PRIM1: variants seen among roughly 807,000 people sequenced by gnomAD.
PRIM1 encodes the protein DNA primase small subunit.
In PRIM1, 38 loss-of-function variants were observed where a neutral mutation model predicts 60.2. The observed-to-expected ratio is 0.63, with a 90% CI of 0.49 to 0.83. The LOEUF (loss-of-function observed/expected upper bound fraction) is 0.83. Among genes scored for constraint, PRIM1 ranks in the 40% least tolerant of loss-of-function variants. The probability of loss-of-function intolerance (pLI) is 0.00; values close to 1 mark genes in which losing one functional copy is unlikely to be tolerated. For missense variants in PRIM1, 388 were observed against 506.2 expected, an observed-to-expected ratio of 0.77 and a Z score of 2.24; for synonymous variants, 158 against 160.2, an observed-to-expected ratio of 0.99 and a Z score of 0.10.
At position 56,746,161 on chromosome 12, in the gene PRIM1, G is replaced by A. The variant is rs369089895; in HGVS notation, c.463C>T (p.Arg155Cys). The change falls in exon 5 of 13, where the codon CGT (arginine) becomes TGT (cysteine). Residue 155 changes from arginine (R) to cysteine (C), a missense_variant. Transcript: ENST00000338193. ...CTCCTTCCAGAATATACCCAGAGAC[G>A]ATGCTTAAATCCAAAGTCCTCTGAG... is the stretch of plus-strand genomic sequence containing the variant. ...ALKEDFGFKH[R>C]LWVYSGRRGV... 4.8e-5 allele frequency: 77 copies of A among 1,611,528 alleles called. No homozygotes were observed. In the African/African-American group the frequency reaches 8.6e-4, roughly 18 times the overall value.
Position 56,738,398 on chromosome 12 carries a change from C to T in PRIM1, c.1144+36G>A, listed in dbSNP as rs571003241. The T allele has an allele frequency of 3.4e-4, 504 of 1,489,038 alleles. 2 individuals are homozygous for T. The South Asian group carries it at 5.8e-3, about 17-fold the overall frequency. The allele number at this position is 1,489,038 out of a possible 1,614,324, so 92.2% of individuals were successfully genotyped here. On this transcript the variant is annotated intron_variant, in intron 11 of 12. Coordinates refer to ENST00000338193, the MANE Select transcript of PRIM1 (RefSeq NM_000946.3). ...ACAGATGGATATCTATATAAAAACC[C>T]TGTATTTAAAGTGAAGCTTCAAAAT...
chr12:56,750,992 G>A, intron 2 of PRIM1, 46 bp downstream of exon 2: 1 of 1,276,372 alleles, frequency 7.8e-7, no homozygotes, highest in Non-Finnish European at 1.0e-6. Context: ...CCCATTCTTG[G>A]TTTACAAAAT....
chr12:56,735,028 G>A (rs1398093594), intron 11 of PRIM1, among the ~76,000 whole-genome samples: 1 of 151,592 alleles, frequency 6.6e-6, no homozygotes, highest in Non-Finnish European at 1.5e-5. Context: ...GGCCAGGCTG[G>A]TCTCAAACTC....
intron 5 of PRIM1, among the ~76,000 whole-genome samples, chr12:56,744,916 AC>A (rs1395556316): frequency 1.3e-5 from 2 of 151,698 alleles, no homozygotes; most frequent in African/African-American, 4.8e-5. Context: ...ATATGATGAA[AC>A]CCTGTTTCCA....
At chr12:56,747,486 C>A (rs1278038283) in intron 2 of PRIM1, among the ~76,000 whole-genome samples, 3 of 152,206 alleles carry the variant, frequency 2.0e-5, no homozygotes, top group African/African-American at 7.2e-5. Context: ...TGGCTCATGC[C>A]TGTAATCCCA....
At position 56,747,051 on chromosome 12, in the gene PRIM1, G is replaced by T; in HGVS notation, c.262-19C>A. 2 of 1,577,232 alleles carry T rather than the reference G, an allele frequency of 1.3e-6. No homozygotes were observed. Among genetic ancestry groups the T allele is most frequent in the South Asian group, 1.1e-5 (1 of 89,020 alleles). ...GATTGGGCTACAGATACAAAATATTGATCAGTTTCTATAAGAGCTGCCACA... is the reference window on the plus strand; with the variant it reads ...GATTGGGCTACAGATACAAAATATTTATCAGTTTCTATAAGAGCTGCCACA... On this transcript the variant is annotated intron_variant, in intron 2 of 12. Transcript: ENST00000338193.
chr12:56,746,237 T>C (rs1461174087), intron 4 of PRIM1, 56 bp from the exon 5 acceptor site: 15 of 1,539,572 alleles, frequency 9.7e-6, no homozygotes, highest in Admixed American at 6.9e-5. Context: ...CCTTAATTAA[T>C]GTATATTAAA....
In PRIM1 at chr12:56,743,111, A is replaced by G. The variant is rs781048824; in HGVS notation, c.639-15T>C. ...TTATAGATTTTCTGTAAGAACAACA[A>G]TAACAACAGAGTCCCAACACTATCA... On this transcript the variant is annotated splice_polypyrimidine_tract_variant and intron_variant, in intron 6 of 12. Transcript: ENST00000338193. 1.7e-5 allele frequency: 26 copies of G among 1,514,024 alleles called. No individual in the cohort carries two copies. Among genetic ancestry groups the G allele is most frequent in the Middle Eastern group, 1.7e-4 (1 of 5,910 alleles). The allele number at this position is 1,514,024 out of a possible 1,614,324, so 93.8% of individuals were successfully genotyped here. A position where few individuals can be genotyped will look rare whatever the true frequency, so the allele number is the denominator to read the frequency against.
chr12:56,743,049 AC>A lies in PRIM1; in HGVS notation c.685del (p.Val229LeufsTer16). Reference sequence around the variant, plus strand: ...TTTATTTTCGAGAATATCTTGATTAACCAAGGCATATTCTTCAAAGTATTTT... The same window carrying A: ...TTTATTTTCGAGAATATCTTGATTAACAAGGCATATTCTTCAAAGTATTTT... ...IKKYFEEYALVNQDILENKES... is the reference protein window; with the variant it reads ...IKKYFEEYALXNQDILENKES... On this transcript the variant is annotated frameshift_variant, in exon 7 of 13. Transcript: ENST00000338193. LOFTEE classifies it high-confidence loss of function. 1 of 1,537,158 alleles carries A rather than the reference AC, an allele frequency of 6.5e-7. No homozygotes were observed. Among genetic ancestry groups the A allele is most frequent in the Non-Finnish European group, 8.7e-7 (1 of 1,144,844 alleles).
chr12:56,737,492 G>T (rs774637776), intron 11 of PRIM1, among the ~76,000 whole-genome samples: 2 of 152,022 alleles, frequency 1.3e-5, no homozygotes, highest in Middle Eastern at 3.4e-3. Flanking sequence ...TGGGATTACA[G>T]GCATGTGCCA....
chr12:56,751,257 AT>A, intron 1 of PRIM1, 62 bp from the exon 2 acceptor site: 1 of 1,239,866 alleles, frequency 8.1e-7, no homozygotes, highest in Non-Finnish European at 1.1e-6. Context: ...GGGCATTATA[AT>A]TTTAGCCAAT....
intron 6 of PRIM1, 131 bp from the exon 7 acceptor site, chr12:56,743,227 G>A: frequency 9.4e-7 from 1 of 1,066,560 alleles, no homozygotes; most frequent in Non-Finnish European, 1.3e-6. Context: ...TAGGTAAAAT[G>A]GGAATACTAC....
At chr12:56,741,046 T>C (rs1953869387) in intron 9 of PRIM1, among the ~76,000 whole-genome samples, 1 of 152,166 alleles carries the variant, frequency 6.6e-6, no homozygotes, top group Non-Finnish European at 1.5e-5. Flanking sequence ...ACTCTGGGGC[T>C]CAAGTGATTT....
intron 8 of PRIM1, 34 bp from the exon 9 acceptor site, chr12:56,741,610 G>A (rs753262093): frequency 9.4e-6 from 15 of 1,597,132 alleles, no homozygotes; most frequent in Non-Finnish European, 1.0e-5. Context: ...ATGAGGATCA[G>A]TAGGAACTGT....
chr12:56,733,655 T>C (rs1953801285), intron 12 of PRIM1, among the ~76,000 whole-genome samples: 1 of 151,654 alleles, frequency 6.6e-6, no homozygotes, highest in Admixed American at 6.6e-5. Context: ...GATGGTGTGA[T>C]CTCAGCTCAC....
At chr12:56,746,878 A>G (rs1953912138) in intron 3 of PRIM1, 24 bp from the exon 4 acceptor site, 3 of 1,613,364 alleles carry the variant, frequency 1.9e-6, no homozygotes. Flanking sequence ...ATCATTACTC[A>G]TTGTCAGTGA....
chr12:56,745,966 T>A, intron 5 of PRIM1, 79 bp downstream of exon 5: 1 of 1,406,320 alleles, frequency 7.1e-7, no homozygotes. Context: ...ATAGTTTCAT[T>A]TTCTTTGACA....
intron 2 of PRIM1, among the ~76,000 whole-genome samples, chr12:56,747,820 A>C (rs1953918997): frequency 6.6e-6 from 1 of 152,156 alleles, no homozygotes; most frequent in Non-Finnish European, 1.5e-5. Context: ...ATTACTGAGG[A>C]GATTCATAAA....
intron 1 of PRIM1, 28 bp downstream of exon 1, chr12:56,752,168 T>C (rs1565908471): frequency 6.6e-7 from 1 of 1,508,634 alleles, no homozygotes; most frequent in African/African-American, 1.4e-5. Flanking sequence ...CACACTCCGC[T>C]CCCGAACCCA....
Sources: allele counts gnomAD v4.1 joint callset (sites outside exome capture counted in the v4.1 genomes callset), GRCh38; gene constraint gnomAD v4.1.1; transcripts MANE v1.5; gene names NCBI Gene and HGNC (gene_info 2026-07-23, HGNC 2026-07-21).